The following LINGO2 variants were observed in gnomAD, a reference collection of about 807,000 sequenced individuals.
The protein encoded by LINGO2 is leucine rich repeat and Ig domain containing 2.
A neutral mutation model predicts 30.6 loss-of-function variants in LINGO2; 14 were observed. The observed-to-expected ratio is 0.46, with a 90% confidence interval of 0.30 to 0.72. LINGO2 has a LOEUF of 0.72. Ranked by LOEUF, LINGO2 falls within the 30% of genes least tolerant of loss-of-function variation. The pLI is 0.07. For synonymous variants in LINGO2, 317 were observed against 288.5 expected (o/e 1.10, Z -1.00); for missense variants, 729 against 751.7 (o/e 0.97, Z 0.35).
At chr9:28,379,287 G>A (rs191723986) in intron 2 of LINGO2, among the ~76,000 whole-genome samples, 69 of 152,158 alleles carry the variant, frequency 4.5e-4, no homozygotes, top group South Asian at 2.7e-3. Context: ...GAAAGCAGGT[G>A]TGTTTCATGT....
At chr9:28,262,946 G>A (rs1435179936) in intron 4 of LINGO2, among the ~76,000 whole-genome samples, 1 of 152,092 alleles carries the variant, frequency 6.6e-6, no homozygotes, top group East Asian at 1.9e-4. Flanking sequence ...AAACTTAGAA[G>A]CTTACAACAC....
intron 2 of LINGO2, among the ~76,000 whole-genome samples, chr9:28,444,934 A>G (rs1325366333): frequency 6.6e-6 from 1 of 152,192 alleles, no homozygotes; most frequent in Non-Finnish European, 1.5e-5. Context: ...TAGCCCAGTG[A>G]AAGCAAGCCA....
At chr9:28,999,057 G>A in the LINGO2 span, among the ~76,000 whole-genome samples, 15 of 152,184 alleles carry the variant, frequency 9.9e-5, 1 homozygote, top group East Asian at 2.9e-3. Flanking sequence ...ACTCTTAATA[G>A]AATTTTATTT....
chr9:28,121,986 T>C (rs1827108692), intron 4 of LINGO2, among the ~76,000 whole-genome samples: 1 of 152,030 alleles, frequency 6.6e-6, no homozygotes, highest in Non-Finnish European at 1.5e-5. Flanking sequence ...ACCATCTCTA[T>C]TTTATATATG....
chr9:28,237,945 A>G (rs1411827966), intron 4 of LINGO2, among the ~76,000 whole-genome samples: 1 of 152,226 alleles, frequency 6.6e-6, no homozygotes, highest in Non-Finnish European at 1.5e-5. Flanking sequence ...AGGATATTCC[A>G]TTCCAATGGA....
intron 5 of LINGO2, among the ~76,000 whole-genome samples, chr9:27,961,560 C>T (rs181055997): frequency 2.4e-4 from 37 of 152,174 alleles, no homozygotes; most frequent in African/African-American, 5.8e-4. Context: ...TTACAAGGGG[C>T]TTATACACTG....
chr9:28,990,328 G>C, the LINGO2 span, among the ~76,000 whole-genome samples: 6,287 of 152,310 alleles, frequency 0.041, 200 homozygotes, highest in Admixed American at 0.083. Flanking sequence ...GCCCAGATCT[G>C]CTTAGGTAAA....
At chr9:28,775,354 AC>A in the LINGO2 span, among the ~76,000 whole-genome samples, 1 of 152,266 alleles carries the variant, frequency 6.6e-6, no homozygotes, top group South Asian at 2.1e-4. Context: ...TGTGAATCTC[AC>A]TGCTATCTGA....
the LINGO2 span, among the ~76,000 whole-genome samples, chr9:28,994,024 T>C: frequency 1.3e-5 from 2 of 151,190 alleles, no homozygotes; most frequent in African/African-American, 2.4e-5. Context: ...CCAGGGCAAT[T>C]AGGCAGGAGA....
At chr9:28,233,032 A>T (rs1432579691) in intron 4 of LINGO2, among the ~76,000 whole-genome samples, 8 of 63,584 alleles carry the variant, frequency 1.3e-4, no homozygotes, top group South Asian at 4.5e-4. Context: ...AGTAAACATT[A>T]TATATATATA....
At chr9:28,201,544 T>C (rs1416548591) in intron 4 of LINGO2, among the ~76,000 whole-genome samples, 1 of 150,998 alleles carries the variant, frequency 6.6e-6, no homozygotes, top group Non-Finnish European at 1.5e-5. Context: ...AACATACGTG[T>C]GCATGTGTCT....
chr9:28,314,808 C>A (rs932926965), intron 3 of LINGO2, among the ~76,000 whole-genome samples: 108 of 151,960 alleles, frequency 7.1e-4, no homozygotes, highest in African/African-American at 2.5e-3. Context: ...CACGATGAAA[C>A]CCCGTCTCTA....
chr9:28,044,388 CTT>C (rs1170635364), intron 4 of LINGO2, among the ~76,000 whole-genome samples: 3 of 152,034 alleles, frequency 2.0e-5, no homozygotes, highest in African/African-American at 7.2e-5. Context: ...TCAACTAAGT[CTT>C]TTTCTTCAGG....
chr9:28,170,603 A>G (rs1318852838), intron 4 of LINGO2, among the ~76,000 whole-genome samples: 1 of 152,172 alleles, frequency 6.6e-6, no homozygotes, highest in Non-Finnish European at 1.5e-5. Context: ...AATGGCTTAA[A>G]ACAGAACAAA....
intron 4 of LINGO2, among the ~76,000 whole-genome samples, chr9:28,058,392 G>A (rs7848726): frequency 0.15 from 22,667 of 152,086 alleles, 1,740 homozygotes; most frequent in Middle Eastern, 0.24. Flanking sequence ...CATACATAAG[G>A]TACCCAATGT....
At chr9:28,453,070 T>C (rs2135081233) in intron 2 of LINGO2, among the ~76,000 whole-genome samples, 1 of 152,070 alleles carries the variant, frequency 6.6e-6, no homozygotes, top group Non-Finnish European at 1.5e-5. Context: ...AGTAGAATGA[T>C]ACTGGAATAA....
chr9:28,199,394 A>C lies in LINGO2; in HGVS notation c.-87+95814T>G, dbSNP rs546862716. On this transcript the variant is annotated intron_variant, in intron 4 of 5. Coordinates refer to ENST00000379992, the Ensembl canonical transcript of LINGO2. ...TCGCTCTGTCGCCAGGCTGGAGTGC[A>C]GTGGCGCGATCTTGGCTCACTGCAA... Among the ~76,000 whole-genome samples, 2 of 140,802 alleles carry C rather than the reference A, an allele frequency of 1.4e-5. 1 individual carries two copies. Among genetic ancestry groups the C allele is most frequent in the African/African-American group, 5.3e-5 (2 of 38,046 alleles). The allele number at this position is 140,802 out of a possible 152,430, so 92.4% of individuals were successfully genotyped here.
chr9:29,171,025 CTTTT>C, the LINGO2 span, among the ~76,000 whole-genome samples: 1 of 151,830 alleles, frequency 6.6e-6, no homozygotes, highest in South Asian at 2.1e-4. Flanking sequence ...ACTGTTTTGT[CTTTT>C]TTTATTTGAA....
chr9:27,994,633 A>G (rs1821566158), intron 5 of LINGO2, among the ~76,000 whole-genome samples: 1 of 152,146 alleles, frequency 6.6e-6, no homozygotes, highest in Admixed American at 6.5e-5. Flanking sequence ...ATGCATGCCT[A>G]AGGAGGGGCA....
Sources: allele counts gnomAD v4.1 joint callset (sites outside exome capture counted in the v4.1 genomes callset), GRCh38; gene constraint gnomAD v4.1.1; transcripts MANE v1.5; gene names NCBI Gene and HGNC (gene_info 2026-07-23, HGNC 2026-07-21).